MCC: variants seen among roughly 807,000 people sequenced by gnomAD.
The protein encoded by MCC is MCC regulator of Wnt signaling pathway.
MCC carries 90 observed loss-of-function variants against 116.2 expected under a neutral mutation model. That is an observed-to-expected ratio of 0.77 (90% CI 0.65 to 0.92). The LOEUF (loss-of-function observed/expected upper bound fraction) is 0.92, where lower values mean the gene tolerates loss of function less well. Ranked by LOEUF, MCC falls within the 40% of genes least tolerant of loss-of-function variation. The pLI is 0.00. For missense variants in MCC, 1,516 were observed against 1,312.2 expected (o/e 1.16, Z -2.40); for synonymous variants, 578 against 510.5 (o/e 1.13, Z -1.78).
At position 113,400,233 on chromosome 5, in the gene MCC, C is replaced by T. The variant is rs550446603; in HGVS notation, c.171-15021G>A. Reference sequence around the variant, plus strand: ...CCCCTCCCGGGTTCAAGTGATTCTCCCGCCTCAGCCTCCCGAGTAGCTGGA... The same window carrying T: ...CCCCTCCCGGGTTCAAGTGATTCTCTCGCCTCAGCCTCCCGAGTAGCTGGA... On this transcript the variant is annotated intron_variant, in intron 1 of 18. Coordinates refer to ENST00000408903, the MANE Select transcript of MCC (RefSeq NM_001085377.2). Among the ~76,000 whole-genome samples the T allele has an allele frequency of 1.3e-4, 19 of 147,986 alleles. No individual in the cohort carries two copies. The South Asian group carries it at 3.8e-3, about 30-fold the overall frequency.
At chr5:113,466,761 T>C (rs1178081729) in intron 1 of MCC, among the ~76,000 whole-genome samples, 1 of 152,152 alleles carries the variant, frequency 6.6e-6, no homozygotes. Flanking sequence ...ATCGCCACAC[T>C]GACTTCCACA....
intron 3 of MCC, among the ~76,000 whole-genome samples, chr5:113,324,051 A>G (rs1767486954): frequency 6.6e-6 from 1 of 152,126 alleles, no homozygotes; most frequent in Non-Finnish European, 1.5e-5. Context: ...TACTAGTATT[A>G]CTCTTGCTAT....
chr5:113,084,673 A>G (rs890503280), intron 9 of MCC, among the ~76,000 whole-genome samples: 10 of 152,364 alleles, frequency 6.6e-5, no homozygotes, highest in African/African-American at 2.2e-4. Flanking sequence ...CAGACTCAAC[A>G]TAGGTACTGG....
chr5:113,215,133 C>A (rs555797062), intron 3 of MCC, among the ~76,000 whole-genome samples: 1 of 152,334 alleles, frequency 6.6e-6, no homozygotes, highest in East Asian at 1.9e-4. Flanking sequence ...CTATCACTTC[C>A]TCCAGAAGCC....
At chr5:113,488,175 G>T (rs1580438106) in intron 1 of MCC, 70 bp downstream of exon 1, 1 of 1,483,536 alleles carries the variant, frequency 6.7e-7, no homozygotes, top group South Asian at 1.3e-5. Flanking sequence ...CGAGGGGGCA[G>T]AGCAGGGGTC....
chr5:113,451,664 G>A (rs971365199), intron 1 of MCC, among the ~76,000 whole-genome samples: 7 of 152,174 alleles, frequency 4.6e-5, no homozygotes, highest in African/African-American at 1.7e-4. Context: ...AACCTGGGAG[G>A]TGGAGGTTGC....
chr5:113,158,173 T>C (rs985395540), intron 3 of MCC, among the ~76,000 whole-genome samples: 1 of 152,268 alleles, frequency 6.6e-6, no homozygotes, highest in African/African-American at 2.4e-5. Context: ...CAGACTGCAG[T>C]TGACTGCAAG....
intron 13 of MCC, among the ~76,000 whole-genome samples, chr5:113,067,844 C>A (rs1404127288): frequency 6.6e-6 from 1 of 152,258 alleles, no homozygotes; most frequent in Non-Finnish European, 1.5e-5. Flanking sequence ...CAGGAGAATG[C>A]AGCTCCTAAG....
At chr5:113,106,397 C>T (rs1293645100) in intron 6 of MCC, among the ~76,000 whole-genome samples, 1 of 151,368 alleles carries the variant, frequency 6.6e-6, no homozygotes, top group African/African-American at 2.4e-5. Flanking sequence ...ATTCACACTC[C>T]TTCCCCTCAT....
At chr5:113,219,481 A>G (rs1763459114) in intron 3 of MCC, among the ~76,000 whole-genome samples, 1 of 152,216 alleles carries the variant, frequency 6.6e-6, no homozygotes. Context: ...TATTTTCCTA[A>G]TAGCTTATTT....
chr5:113,440,291 G>A (rs918229295), intron 1 of MCC, among the ~76,000 whole-genome samples: 10 of 151,656 alleles, frequency 6.6e-5, no homozygotes, highest in African/African-American at 2.2e-4. Flanking sequence ...AAAAGTAGAC[G>A]TTCCTTCAGA....
At chr5:113,042,794 T>A (rs985410894) in intron 17 of MCC, among the ~76,000 whole-genome samples, 17 of 151,508 alleles carry the variant, frequency 1.1e-4, no homozygotes, top group Non-Finnish European at 1.9e-4. Context: ...AAAATTTCAT[T>A]AATAGTTTGA....
At chr5:113,131,556 A>G (rs1331159616) in intron 5 of MCC, among the ~76,000 whole-genome samples, 4 of 152,176 alleles carry the variant, frequency 2.6e-5, no homozygotes, top group African/African-American at 9.7e-5. Flanking sequence ...TTTCAAGTAG[A>G]AAGGATTTAA....
chr5:113,033,545 G>A (rs181734746), intron 17 of MCC, among the ~76,000 whole-genome samples: 6 of 152,190 alleles, frequency 3.9e-5, no homozygotes, highest in African/African-American at 1.4e-4. Context: ...TATATGGTTT[G>A]GGTACATAAG....
intron 3 of MCC, among the ~76,000 whole-genome samples, chr5:113,313,339 G>A (rs1003729899): frequency 5.3e-5 from 8 of 152,112 alleles, no homozygotes; most frequent in East Asian, 1.9e-4. Flanking sequence ...GCAAAACTCC[G>A]TCTCAAAAAC....
intron 1 of MCC, among the ~76,000 whole-genome samples, chr5:113,443,013 T>C (rs772981986): frequency 7.9e-5 from 12 of 152,194 alleles, no homozygotes; most frequent in Non-Finnish European, 1.3e-4. Flanking sequence ...AAGTTTAAAG[T>C]AGTTTTTTCC....
chr5:113,384,302 T>C (rs551625817), intron 2 of MCC, among the ~76,000 whole-genome samples: 1 of 152,284 alleles, frequency 6.6e-6, no homozygotes, highest in African/African-American at 2.4e-5. Context: ...AAAAAATTGC[T>C]TTTAGGCCAG....
intron 3 of MCC, among the ~76,000 whole-genome samples, chr5:113,211,127 A>G (rs1456682175): frequency 1.3e-5 from 2 of 152,204 alleles, no homozygotes; most frequent in African/African-American, 4.8e-5. Flanking sequence ...GGTGGGCCTT[A>G]GGAAGGTGCT....
intron 3 of MCC, chr5:113,294,406 G>C: frequency 6.2e-6 from 10 of 1,613,590 alleles, no homozygotes; most frequent in Non-Finnish European, 8.5e-6. Context: ...TCAGAGCTGG[G>C]CTCTCAGTCC....
Sources: allele counts gnomAD v4.1 joint callset (sites outside exome capture counted in the v4.1 genomes callset), GRCh38; gene constraint gnomAD v4.1.1; transcripts MANE v1.5; gene names NCBI Gene and HGNC (gene_info 2026-07-23, HGNC 2026-07-21).